Variants in AGBL4 observed in about 807,000 individuals in gnomAD.
AGBL4 encodes the protein cytosolic carboxypeptidase 6.
AGBL4 carries 58 observed loss-of-function variants against 66.4 expected under a neutral mutation model. The ratio of observed to expected loss-of-function variants is 0.87; its 90% CI spans 0.71 to 1.09. The LOEUF (loss-of-function observed/expected upper bound fraction) is 1.09, where lower values mean the gene tolerates loss of function less well. Among genes scored for constraint, AGBL4 ranks in the 50% least tolerant of loss-of-function variants. The probability of loss-of-function intolerance (pLI) is 0.00; values close to 1 mark genes in which losing one functional copy is unlikely to be tolerated. For synonymous variants in AGBL4, 234 were observed against 222.9 expected (o/e 1.05, Z -0.44); for missense variants, 579 against 631.0 (o/e 0.92, Z 0.88).
intron 2 of AGBL4, among the ~76,000 whole-genome samples, chr1:49,712,842 A>G (rs1324963532): frequency 6.6e-6 from 1 of 151,856 alleles, no homozygotes; most frequent in Non-Finnish European, 1.5e-5. Context: ...TTTGTGCTTT[A>G]GTTTTTTCAT....
chr1:48,742,781 T>A (rs771499627), intron 6 of AGBL4: 1 of 1,554,052 alleles, frequency 6.4e-7, no homozygotes, highest in Non-Finnish European at 8.7e-7. Flanking sequence ...CCTAGGCAGT[T>A]AAGAAAAGAA....
chr1:49,431,520 G>GTTTTTAT (rs1645785625), intron 3 of AGBL4, among the ~76,000 whole-genome samples: 1 of 152,018 alleles, frequency 6.6e-6, no homozygotes. Context: ...AAGCATATTA[G>GTTTTTAT]GTCATATATG....
intron 4 of AGBL4, among the ~76,000 whole-genome samples, chr1:49,142,364 A>G (rs1646135407): frequency 6.6e-6 from 1 of 152,156 alleles, no homozygotes; most frequent in African/African-American, 2.4e-5. Flanking sequence ...CATATAGAGA[A>G]GAATGGCAGG....
intron 4 of AGBL4, among the ~76,000 whole-genome samples, chr1:49,148,504 G>A (rs1486791245): frequency 6.6e-6 from 1 of 152,186 alleles, no homozygotes; most frequent in Non-Finnish European, 1.5e-5. Flanking sequence ...GCCAGGCGCA[G>A]TAGTGCCTTC....
At chr1:49,552,048 G>A (rs1027892906) in intron 3 of AGBL4, among the ~76,000 whole-genome samples, 7 of 152,092 alleles carry the variant, frequency 4.6e-5, no homozygotes, top group Admixed American at 1.3e-4. Context: ...GATTATGGCT[G>A]CCTCTGCTAA....
At chr1:48,857,458 C>T (rs937616973) in intron 6 of AGBL4, among the ~76,000 whole-genome samples, 1 of 152,134 alleles carries the variant, frequency 6.6e-6, no homozygotes, top group East Asian at 1.9e-4. Flanking sequence ...TGAGGTGGCT[C>T]GTGCCTGTAA....
At chr1:49,578,816 G>A (rs1366884971) in intron 3 of AGBL4, among the ~76,000 whole-genome samples, 1 of 152,166 alleles carries the variant, frequency 6.6e-6, no homozygotes, top group Non-Finnish European at 1.5e-5. Flanking sequence ...GGTTGAAGTT[G>A]ACAAGGGGTG....
intron 3 of AGBL4, among the ~76,000 whole-genome samples, chr1:49,669,726 T>A (rs949741028): frequency 6.6e-6 from 1 of 152,164 alleles, no homozygotes; most frequent in East Asian, 1.9e-4. Context: ...GCTCTGAATA[T>A]GTTTAATCTT....
intron 3 of AGBL4, among the ~76,000 whole-genome samples, chr1:49,308,256 T>C (rs1453997481): frequency 6.6e-6 from 1 of 152,182 alleles, no homozygotes. Context: ...AACAGACTAA[T>C]GCAGGGCCCA....
At chr1:49,877,384 G>C (rs1234262725) in intron 1 of AGBL4, among the ~76,000 whole-genome samples, 1 of 152,038 alleles carries the variant, frequency 6.6e-6, no homozygotes, top group East Asian at 1.9e-4. Context: ...GTTGAATTCT[G>C]TCAAAGGCTT....
intron 4 of AGBL4, among the ~76,000 whole-genome samples, chr1:49,171,458 G>A (rs1646736798): frequency 6.6e-6 from 1 of 152,096 alleles, no homozygotes; most frequent in African/African-American, 2.4e-5. Context: ...AATGGGTTTA[G>A]AGTAGAAACA....
chr1:49,011,794 C>A (rs1228548668), intron 5 of AGBL4, among the ~76,000 whole-genome samples: 1 of 148,762 alleles, frequency 6.7e-6, no homozygotes, highest in Non-Finnish European at 1.5e-5. Flanking sequence ...AAAAACCAAA[C>A]ACCGCATATT....
At chr1:49,965,650 C>T (rs4381240) in intron 1 of AGBL4, among the ~76,000 whole-genome samples, 144,674 of 152,178 alleles carry the variant, frequency 0.95, 69,154 homozygotes, top group East Asian at 1. Flanking sequence ...TTAATATAAA[C>T]AGCAAAAGTT....
intron 11 of AGBL4, among the ~76,000 whole-genome samples, chr1:48,553,055 A>G (rs1644272202): frequency 6.6e-6 from 1 of 152,014 alleles, no homozygotes; most frequent in Non-Finnish European, 1.5e-5. Flanking sequence ...CTCAAGAGGG[A>G]AATTAATCTC....
chr1:48,727,865 G>A (rs1557909334), intron 6 of AGBL4: 2 of 1,594,016 alleles, frequency 1.3e-6, no homozygotes, highest in Non-Finnish European at 1.7e-6. Flanking sequence ...AAACACGAAA[G>A]CTTTATGAAA....
intron 3 of AGBL4, among the ~76,000 whole-genome samples, chr1:49,604,001 A>G (rs1645018379): frequency 1.3e-5 from 2 of 151,574 alleles, no homozygotes; most frequent in South Asian, 2.1e-4. Flanking sequence ...GATTGATTCC[A>G]TATATTTGCA....
At chr1:49,563,590 T>C (rs1475234127) in intron 3 of AGBL4, among the ~76,000 whole-genome samples, 1 of 152,196 alleles carries the variant, frequency 6.6e-6, no homozygotes, top group Non-Finnish European at 1.5e-5. Context: ...TCTTTGGTTC[T>C]GTTTATATGC....
chr1:49,606,499 T>G (rs954892621), intron 3 of AGBL4, among the ~76,000 whole-genome samples: 2 of 152,128 alleles, frequency 1.3e-5, no homozygotes, highest in African/African-American at 4.8e-5. Context: ...CTTAGCCTCT[T>G]TAAAGTACTC....
chr1:49,549,615 C>T (rs1344287353), intron 3 of AGBL4, among the ~76,000 whole-genome samples: 2 of 152,078 alleles, frequency 1.3e-5, no homozygotes, highest in African/African-American at 2.4e-5. Context: ...GAGTTGATTT[C>T]CAGTTTTATT....
Sources: gnomAD v4.1 joint callset for allele counts (sites outside exome capture counted in the v4.1 genomes callset) on GRCh38, gnomAD v4.1.1 for gene constraint, MANE v1.5 for transcripts, NCBI Gene and HGNC (gene_info 2026-07-23, HGNC 2026-07-21) for gene names.